LPCAT3: variants seen among roughly 807,000 people sequenced by gnomAD.
LPCAT3 encodes the protein lysophospholipid acyltransferase 5.
In LPCAT3, 21 loss-of-function variants were observed where a neutral mutation model predicts 63.4. That is an observed-to-expected ratio of 0.33 (90% CI 0.23 to 0.48). The LOEUF (loss-of-function observed/expected upper bound fraction) is 0.48. LPCAT3 is among the 20% of genes least tolerant of loss of function. The pLI, the probability that LPCAT3 is intolerant of heterozygous loss-of-function variation, is 0.99. For synonymous variants in LPCAT3, 242 were observed against 227.5 expected (o/e 1.06, Z -0.58); for missense variants, 451 against 590.6 (o/e 0.76, Z 2.45).
chr12:6,999,916 C>CTTTTTTTT (rs782553121), intron 1 of LPCAT3, among the ~76,000 whole-genome samples: 11 of 114,534 alleles, frequency 9.6e-5, no homozygotes, highest in Non-Finnish European at 1.8e-4. Flanking sequence ...TACTTACATT[C>CTTTTTTTT]TTTTTTTTTT....
In LPCAT3 at chr12:7,012,129, C is replaced by T. The variant is rs142811544; in HGVS notation, c.151+6145G>A. ...CCCCCAGCTGCAATTTTTGATCAGT[C>T]TAACAGCCAAGCCACCATCATGGCC... is the stretch of plus-strand genomic sequence containing the variant. On this transcript the variant is annotated intron_variant, in intron 1 of 12. Coordinates refer to ENST00000261407, the MANE Select transcript of LPCAT3 (RefSeq NM_005768.6). 3.3e-4 allele frequency among the ~76,000 whole-genome samples: 50 copies of T among 152,310 alleles called. No homozygotes were observed. In the East Asian group the frequency reaches 8.5e-3, roughly 26 times the overall value.
chr12:7,010,358 C>A (rs1335464502), intron 1 of LPCAT3, among the ~76,000 whole-genome samples: 2 of 152,160 alleles, frequency 1.3e-5, no homozygotes, highest in African/African-American at 4.8e-5. Context: ...TCTTACCATC[C>A]CCTTTAAGGC....
chr12:6,978,173 T>G, intron 9 of LPCAT3, 168 bp downstream of exon 9: 2 of 754,578 alleles, frequency 2.7e-6, no homozygotes, highest in Admixed American at 2.7e-5. Flanking sequence ...ACAGTAATGG[T>G]TTTTTTGGGA....
At chr12:7,008,039 C>T (rs1232338676) in intron 1 of LPCAT3, among the ~76,000 whole-genome samples, 1 of 152,090 alleles carries the variant, frequency 6.6e-6, no homozygotes, top group Admixed American at 6.6e-5. Flanking sequence ...ATGTCCAGAG[C>T]TTCATCTAGC....
chr12:6,981,924 T>G lies in LPCAT3; in HGVS notation c.367-20A>C. ...GTAGGCCTAGGAGAGGCAGAAGTAT[T>G]TATTCTAGCATCACTACTATTTCTT... On this transcript the variant is annotated intron_variant, in intron 3 of 12. Transcript: ENST00000261407. 7.9e-7 allele frequency: 1 copy of G among 1,273,498 alleles called. No individual in the cohort carries two copies. Among genetic ancestry groups the G allele is most frequent in the Non-Finnish European group, 1.1e-6 (1 of 869,764 alleles). The allele number at this position is 1,273,498 out of a possible 1,614,324, so 78.9% of individuals were successfully genotyped here. A position where few individuals can be genotyped will look rare whatever the true frequency, so the allele number is the denominator to read the frequency against.
chr12:6,980,067 A>T (rs1946454823), intron 6 of LPCAT3: 1 of 144,916 alleles, frequency 6.9e-6, no homozygotes, highest in Non-Finnish European at 1.5e-5. Context: ...TATTTTCTAG[A>T]GTCAGGGCCT....
At chr12:7,013,387 G>C (rs1242983254) in intron 1 of LPCAT3, among the ~76,000 whole-genome samples, 1 of 152,190 alleles carries the variant, frequency 6.6e-6, no homozygotes, top group Non-Finnish European at 1.5e-5. Context: ...GCACAGGATC[G>C]GATCACTCTG....
chr12:6,999,916 CTTTTTTTTTTT>C (rs782553121), intron 1 of LPCAT3, among the ~76,000 whole-genome samples: 2 of 114,534 alleles, frequency 1.7e-5, no homozygotes, highest in African/African-American at 6.6e-5. Context: ...TACTTACATT[CTTTTTTTTTTT>C]TTTTTTTTTT....
At chr12:6,978,033 C>T (rs1946428759) in intron 9 of LPCAT3, 6 of 560,474 alleles carry the variant, frequency 1.1e-5, no homozygotes, top group Non-Finnish European at 1.3e-5. Flanking sequence ...GCTGCCCACA[C>T]TCTAGTGGTG....
intron 1 of LPCAT3, among the ~76,000 whole-genome samples, chr12:7,011,369 G>A (rs1381559217): frequency 6.6e-6 from 1 of 152,186 alleles, no homozygotes; most frequent in East Asian, 1.9e-4. Context: ...TTCTTGGCCA[G>A]GGGCAATGGC....
At position 6,983,371 on chromosome 12, in the gene LPCAT3, C is replaced by G. The variant is rs1253906636; in HGVS notation, c.259+61G>C. ...TAGATTCTCTCAAGGAAATTTTGTT[C>G]AAGTCTGTTCCTTCCAGGTTCCCAC... is the stretch of plus-strand genomic sequence containing the variant. On this transcript the variant is annotated intron_variant, in intron 2 of 12. Coordinates refer to ENST00000261407, the MANE Select transcript of LPCAT3 (RefSeq NM_005768.6). The G allele has an allele frequency of 4.3e-6, 5 of 1,157,260 alleles. No homozygotes were observed. In the East Asian group the frequency reaches 1.2e-4, roughly 28 times the overall value. The allele number at this position is 1,157,260 out of a possible 1,614,324, so 71.7% of individuals were successfully genotyped here.
In LPCAT3 at chr12:6,987,735, C is replaced by T. The variant is rs1946542763; in HGVS notation, c.152-4196G>A. 2 of 400,504 alleles carry T rather than the reference C, an allele frequency of 5.0e-6. No individual in the cohort carries two copies. Among genetic ancestry groups the T allele is most frequent in the East Asian group, 3.6e-5 (1 of 28,072 alleles). The allele number at this position is 400,504 out of a possible 1,614,324, so 24.8% of individuals were successfully genotyped here. A position where few individuals can be genotyped will look rare whatever the true frequency, so the allele number is the denominator to read the frequency against. ...ATGCTCGAAATTAAAAAACACCACA[C>T]ATATTACTCTGCCTCTTTAAGTTGA... On this transcript the variant is annotated intron_variant, in intron 1 of 12. Transcript: ENST00000261407. This position sits in a 1 kb window ranked among gnomAD's most constrained non-coding sequence, Gnocchi z 4.1.
At chr12:6,997,053 CAA>C (rs1946642691) in intron 1 of LPCAT3, among the ~76,000 whole-genome samples, 1 of 152,050 alleles carries the variant, frequency 6.6e-6, no homozygotes, top group Non-Finnish European at 1.5e-5. Context: ...AGGAAAAGGA[CAA>C]ATTAAAGATG....
chr12:7,004,686 A>G (rs1338889399), intron 1 of LPCAT3, among the ~76,000 whole-genome samples: 1 of 152,208 alleles, frequency 6.6e-6, no homozygotes, highest in Non-Finnish European at 1.5e-5. Flanking sequence ...TCGGGTGTTC[A>G]ATTTGACTTT....
intron 1 of LPCAT3, among the ~76,000 whole-genome samples, chr12:7,000,883 A>G (rs1299573029): frequency 1.3e-5 from 2 of 151,536 alleles, no homozygotes; most frequent in Non-Finnish European, 2.9e-5. Context: ...ATTTTTTTGT[A>G]TTTTTAGTGG....
At chr12:6,978,931 C>A in intron 7 of LPCAT3, 2 of 510,856 alleles carry the variant, frequency 3.9e-6, no homozygotes, top group South Asian at 2.8e-5. Flanking sequence ...TATTTAACTT[C>A]TCTACTGTTT....
chr12:7,000,719 GA>G (rs1946678676), intron 1 of LPCAT3, among the ~76,000 whole-genome samples: 2 of 151,218 alleles, frequency 1.3e-5, no homozygotes, highest in South Asian at 2.1e-4. Flanking sequence ...CTTAAAAATT[GA>G]GTATTCTTTT....
At chr12:6,981,477 C>T in intron 5 of LPCAT3, 118 bp downstream of exon 5, 1 of 1,018,516 alleles carries the variant, frequency 9.8e-7, no homozygotes, top group Non-Finnish European at 1.6e-6. Flanking sequence ...GGAGATTGCA[C>T]AGGCTGGGGA....
intron 1 of LPCAT3, among the ~76,000 whole-genome samples, chr12:6,989,741 A>G (rs1946569914): frequency 1.3e-5 from 2 of 152,190 alleles, no homozygotes; most frequent in South Asian, 2.1e-4. Context: ...TGTTTGTGTC[A>G]GGGACCAGAT....
Sources: allele counts gnomAD v4.1 joint callset (sites outside exome capture counted in the v4.1 genomes callset), GRCh38; gene constraint gnomAD v4.1.1; non-coding constraint Gnocchi (gnomAD v3.1); transcripts MANE v1.5; gene names NCBI Gene and HGNC (gene_info 2026-07-23, HGNC 2026-07-21).